The following PPP1R12A variants were observed in gnomAD, a reference collection of about 807,000 sequenced individuals.
PPP1R12A encodes protein phosphatase 1 regulatory subunit 12A.
In PPP1R12A, 19 loss-of-function variants were observed where a neutral mutation model predicts 139.6. The observed-to-expected ratio is 0.14, with a 90% confidence interval of 0.09 to 0.20. PPP1R12A has a LOEUF of 0.20. Ranked by LOEUF, PPP1R12A falls within the 10% of genes least tolerant of loss-of-function variation. The pLI is 1.00. For synonymous variants in PPP1R12A, 427 were observed against 420.6 expected (o/e 1.02, Z -0.19); for missense variants, 925 against 1,211.5 (o/e 0.76, Z 3.51).
intron 19 of PPP1R12A, 97 bp downstream of exon 19, chr12:79,793,766 A>G (rs1386454083): frequency 7.4e-6 from 7 of 944,908 alleles, no homozygotes; most frequent in African/African-American, 6.8e-5. Context: ...AGAGTATGCA[A>G]TAACTGCTTT....
chr12:79,814,362 G>A (rs1285727874), intron 9 of PPP1R12A, among the ~76,000 whole-genome samples: 10 of 150,744 alleles, frequency 6.6e-5, no homozygotes, highest in South Asian at 4.2e-4. Context: ...CTGTAGTCCC[G>A]GCTACTTGGG....
intron 1 of PPP1R12A, among the ~76,000 whole-genome samples, chr12:79,929,552 G>C (rs1006224426): frequency 2.0e-5 from 3 of 152,078 alleles, no homozygotes; most frequent in Non-Finnish European, 2.9e-5. Context: ...GATCACTTGA[G>C]GTCAGGAGTT....
rs553475903 is a variant in PPP1R12A at position 79,915,228 on chromosome 12, G to A, written c.237+19467C>T. 9.9e-5 allele frequency among the ~76,000 whole-genome samples: 15 copies of A among 152,174 alleles called. No individual in the cohort carries two copies. The South Asian group carries it at 2.1e-3, about 21-fold the overall frequency. On this transcript the variant is annotated intron_variant, in intron 1 of 24. Transcript: ENST00000450142. ...CTCCAATTACTATACTGTGAAGTAC[G>A]TGTGCTTGCTTATGTGTGAGAATGT...
intron 1 of PPP1R12A, among the ~76,000 whole-genome samples, chr12:79,895,733 C>T (rs895044890): frequency 6.6e-6 from 1 of 152,150 alleles, no homozygotes; most frequent in South Asian, 2.1e-4. Flanking sequence ...TGCCCTTCAC[C>T]AGCACTGCTA....
At chr12:79,777,787 C>G in intron 24 of PPP1R12A, 2 of 358,938 alleles carry the variant, frequency 5.6e-6, no homozygotes, top group Non-Finnish European at 7.8e-6. Flanking sequence ...AAGGTAAACA[C>G]TGTATTCCTA....
At chr12:79,786,334 ACC>A in intron 22 of PPP1R12A, 38 bp downstream of exon 22, 1 of 1,260,192 alleles carries the variant, frequency 7.9e-7, no homozygotes, top group Non-Finnish European at 1.1e-6. Flanking sequence ...ATAAATCACA[ACC>A]ATTACCTTGA....
In PPP1R12A at chr12:79,795,737, C is replaced by T. The variant is rs113668494; in HGVS notation, c.2484G>A (p.Glu828=). The change falls in exon 18 of 25, where the codon GAG becomes GAA. Residue 828 remains glutamate, a synonymous_variant. Coordinates refer to ENST00000450142, the MANE Select transcript of PPP1R12A (RefSeq NM_002480.3). ...NEREGEKREE[E]KEGEDKSQPK... ...GTTGTGATTTATCTTCTCCTTCTTT[C>T]TCCTCTTCTCTTTTTTCTCCCTCTG... 0.011 allele frequency: 17,262 copies of T among 1,610,860 alleles called. 105 individuals are homozygous for T. Among genetic ancestry groups the T allele is most frequent in the Non-Finnish European group, 0.013 (15,252 of 1,177,952 alleles).
rs527882907 is a variant in PPP1R12A at position 79,823,290 on chromosome 12, A to G, written c.793-1100T>C. The stretch of plus-strand genomic sequence containing the variant: ...CAGTATATGATCCTTTCACAGAAAA[A>G]AAAAAGTTTTTAGCAACAAAAAATA... On this transcript the variant is annotated intron_variant, in intron 5 of 24. Coordinates refer to ENST00000450142, the MANE Select transcript of PPP1R12A (RefSeq NM_002480.3). Among the ~76,000 whole-genome samples the G allele has an allele frequency of 4.6e-5, 7 of 152,282 alleles. No homozygotes were observed. The East Asian group carries it at 1.3e-3, about 29-fold the overall frequency.
In PPP1R12A at chr12:79,835,806, T is replaced by C. The variant is rs1414276676; in HGVS notation, c.488-3315A>G. ...TCTCCCTTACCATCATCTAGTGTTCTAACCATCTAGACCTCCACATAGGTC... is the reference window on the plus strand; with the variant it reads ...TCTCCCTTACCATCATCTAGTGTTCCAACCATCTAGACCTCCACATAGGTC... On this transcript the variant is annotated intron_variant, in intron 3 of 24. Transcript: ENST00000450142. 7.2e-5 allele frequency among the ~76,000 whole-genome samples: 11 copies of C among 152,194 alleles called. 1 individual carries two copies. The highest frequency in any genetic ancestry group is 1.6e-4 in the Non-Finnish European group (11 of 68,018).
chr12:79,889,226 T>G (rs1404720007), intron 1 of PPP1R12A, among the ~76,000 whole-genome samples: 3 of 152,188 alleles, frequency 2.0e-5, no homozygotes, highest in African/African-American at 7.2e-5. Flanking sequence ...ATAAACACTA[T>G]GGCAATTGTG....
chr12:79,884,030 T>C (rs887042296), intron 1 of PPP1R12A, among the ~76,000 whole-genome samples: 3 of 152,184 alleles, frequency 2.0e-5, no homozygotes, highest in Non-Finnish European at 2.9e-5. Flanking sequence ...ATTCATATAT[T>C]TGAGTTTAAC....
chr12:79,904,552 C>A (rs374071079), intron 1 of PPP1R12A, among the ~76,000 whole-genome samples: 33 of 152,236 alleles, frequency 2.2e-4, no homozygotes, highest in African/African-American at 7.7e-4. Flanking sequence ...ATATTATTAT[C>A]ATTTAACAAG....
chr12:79,860,985 A>T (rs1420545671), intron 2 of PPP1R12A, among the ~76,000 whole-genome samples: 1 of 152,208 alleles, frequency 6.6e-6, no homozygotes, highest in African/African-American at 2.4e-5. Context: ...GAGGAAAGAC[A>T]GTGACACAGG....
At chr12:79,790,589 G>A (rs1264117358) in intron 19 of PPP1R12A, 106 bp from the exon 20 acceptor site, 9 of 755,890 alleles carry the variant, frequency 1.2e-5, no homozygotes, top group African/African-American at 3.6e-5. Context: ...AGAAGCAAAC[G>A]AATGAACACC....
Position 79,809,784 on chromosome 12 carries a change from A to G in PPP1R12A, c.1455+11T>C. The G allele has an allele frequency of 3.1e-6, 5 of 1,596,252 alleles. No individual in the cohort carries two copies. The South Asian group carries it at 3.4e-5, about 11-fold the overall frequency. On this transcript the variant is annotated intron_variant, in intron 10 of 24. Coordinates refer to ENST00000450142, the MANE Select transcript of PPP1R12A (RefSeq NM_002480.3). ...CAGTTTTCATAGAAACCAGACTGTG[A>G]AATAGATTACCTTTTCTTTATTATC...
intron 14 of PPP1R12A, among the ~76,000 whole-genome samples, chr12:79,801,103 TG>T (rs1285152741): frequency 6.6e-6 from 1 of 151,276 alleles, no homozygotes; most frequent in East Asian, 2.0e-4. Context: ...CCCAGTAGTT[TG>T]GGAGGCCGAG....
At chr12:79,776,087 G>T in intron 24 of PPP1R12A, 72 bp from the exon 25 acceptor site, 1 of 956,766 alleles carries the variant, frequency 1.0e-6, no homozygotes, top group Non-Finnish European at 1.6e-6. Context: ...CTTAATAAAT[G>T]TTATATTTTC....
chr12:79,788,121 T>C (rs1871346014), intron 21 of PPP1R12A: 1 of 152,492 alleles, frequency 6.6e-6, no homozygotes, highest in African/African-American at 2.4e-5. Context: ...GTAATTCAAA[T>C]AGCTGCCAGA....
chr12:79,932,694 T>C (rs986946427), intron 1 of PPP1R12A, among the ~76,000 whole-genome samples: 2 of 152,142 alleles, frequency 1.3e-5, no homozygotes, highest in African/African-American at 4.8e-5. Flanking sequence ...CAGGAAGACA[T>C]TGGTAAGTCT....
Sources: allele counts gnomAD v4.1 joint callset (sites outside exome capture counted in the v4.1 genomes callset), GRCh38; gene constraint gnomAD v4.1.1; transcripts MANE v1.5; gene names NCBI Gene and HGNC (gene_info 2026-07-23, HGNC 2026-07-21).